Variants in UBR4 observed in about 807,000 individuals in gnomAD.
The protein encoded by UBR4 is E3 ubiquitin-protein ligase UBR4.
Under a neutral mutation model 575.6 loss-of-function variants are expected in UBR4, and 124 were observed. The ratio of observed to expected loss-of-function variants is 0.22; its 90% CI spans 0.19 to 0.25. The LOEUF (loss-of-function observed/expected upper bound fraction) is 0.25, where lower values mean the gene tolerates loss of function less well. Among genes scored for constraint, UBR4 ranks in the 10% least tolerant of loss-of-function variants. UBR4 has a pLI of 1.00. For missense variants in UBR4, 4,818 were observed against 6,478.8 expected (o/e 0.74, Z 8.80); for synonymous variants, 2,455 against 2,473.7 (o/e 0.99, Z 0.22).
chr1:19,126,313 AC>A (rs2081780770), intron 64 of UBR4, 132 bp downstream of exon 64: 1 of 1,011,830 alleles, frequency 9.9e-7, no homozygotes, highest in Non-Finnish European at 1.5e-6. Flanking sequence ...GCCGAGATTA[AC>A]CCCCACCAAG....
chr1:19,092,849 C>G lies in UBR4; in HGVS notation c.14181G>C (p.Arg4727=), dbSNP rs780275301. The G allele has an allele frequency of 6.2e-7, 1 of 1,613,048 alleles. No homozygotes were observed. Among genetic ancestry groups the G allele is most frequent in the Non-Finnish European group, 8.5e-7 (1 of 1,179,716 alleles). ...PALPFILRLL[R]GLAIQHPGTQ... ...TGCCAGGGTGCTGGATGGCCAGGCC[C>G]CGAAGCAGCCTTAGGATAAATGGCA... The change falls in exon 97 of 106, where the codon CGG becomes CGC. Residue 4727 remains arginine (R), a synonymous_variant. Transcript: ENST00000375254.
chr1:19,088,725 G>A lies in UBR4; in HGVS notation c.14430+34C>T, dbSNP rs1218622031. 3.1e-6 allele frequency: 5 copies of A among 1,607,134 alleles called. No individual in the cohort carries two copies. The highest frequency in any genetic ancestry group is 4.3e-6 in the Non-Finnish European group (5 of 1,175,584). On this transcript the variant is annotated intron_variant, in intron 98 of 105. Transcript: ENST00000375254. This position sits in a 1 kb window ranked among gnomAD's most constrained non-coding sequence, Gnocchi z 4.0. ...GGCCACCTCCTCATCAACAGTGTGGGCAGAAATATGGGGACTCTAGGTGGT... is the reference window on the plus strand; with the variant it reads ...GGCCACCTCCTCATCAACAGTGTGGACAGAAATATGGGGACTCTAGGTGGT...
chr1:19,195,593 C>T (rs192068391), intron 8 of UBR4, among the ~76,000 whole-genome samples: 103 of 152,220 alleles, frequency 6.8e-4, no homozygotes, highest in Middle Eastern at 3.4e-3. Context: ...GCAAAATCAA[C>T]GGTAGAGCAT....
chr1:19,193,900 G>A (rs2092287756), intron 8 of UBR4, among the ~76,000 whole-genome samples: 1 of 152,184 alleles, frequency 6.6e-6, no homozygotes, highest in African/African-American at 2.4e-5. Flanking sequence ...AGAAGACATG[G>A]AGGAACTATA....
In UBR4 at chr1:19,123,451, T is replaced by TAAA. The variant is rs35963937; in HGVS notation, c.9589-394_9589-392dup. Among the ~76,000 whole-genome samples the TAAA allele has an allele frequency of 1.2e-3, 157 of 135,786 alleles. 1 individual carries two copies. The highest frequency in any genetic ancestry group is 1.6e-3 in the Non-Finnish European group (99 of 63,612). The allele number at this position is 135,786 out of a possible 152,430, so 89.1% of individuals were successfully genotyped here. On this transcript the variant is annotated intron_variant, in intron 65 of 105. Coordinates refer to ENST00000375254, the MANE Select transcript of UBR4 (RefSeq NM_020765.3). ...GGGTCAACAGAGTGAGACTTGGTCT[T>TAAA]AAAAAAAAAAAAAAAAACAAAGGCT... is the stretch of plus-strand genomic sequence containing the variant.
chr1:19,172,837 C>T, intron 25 of UBR4, 27 bp downstream of exon 25: 2 of 1,595,458 alleles, frequency 1.3e-6, no homozygotes, highest in Non-Finnish European at 1.7e-6. Flanking sequence ...AGTGCATGTG[C>T]ATCTCTGGGC....
chr1:19,124,477 C>G, intron 65 of UBR4, 64 bp downstream of exon 65: 1 of 1,587,340 alleles, frequency 6.3e-7, no homozygotes, highest in Non-Finnish European at 8.6e-7. Flanking sequence ...AGAAAGGGGC[C>G]CACAGAGGTG....
chr1:19,106,652 T>C lies in UBR4; in HGVS notation c.12310A>G (p.Arg4104Gly). 1 of 1,610,032 alleles carries C rather than the reference T, an allele frequency of 6.2e-7. No homozygotes were observed. The highest frequency in any genetic ancestry group is 8.5e-7 in the Non-Finnish European group (1 of 1,178,114). ...CGACGACTCAGGAACTGTTTCCACC[T>C]CCACACATACTTCTCAGTCAAATAG... ...HLYLTEKYVWRWKQFLSRRGK... is the reference protein window; with the variant it reads ...HLYLTEKYVWGWKQFLSRRGK... The change falls in exon 83 of 106, where the codon AGG becomes GGG. Residue 4104 changes from arginine (R) to glycine (G), a missense_variant. Coordinates refer to ENST00000375254, the MANE Select transcript of UBR4 (RefSeq NM_020765.3).
chr1:19,190,275 A>C (rs1254065773), intron 11 of UBR4, among the ~76,000 whole-genome samples: 1 of 138,642 alleles, frequency 7.2e-6, no homozygotes, highest in African/African-American at 2.8e-5. Context: ...CCTGGGCAAC[A>C]GAGCGAGACT....
At chr1:19,165,158 C>A in intron 31 of UBR4, 91 bp downstream of exon 31, 1 of 1,472,618 alleles carries the variant, frequency 6.8e-7, no homozygotes, top group Non-Finnish European at 9.4e-7. Context: ...TTAGCATTTT[C>A]ATGCTGTAGT....
At chr1:19,127,452 C>T (rs374356671) in intron 63 of UBR4, among the ~76,000 whole-genome samples, 171 bp downstream of exon 63, 2 of 152,200 alleles carry the variant, frequency 1.3e-5, no homozygotes, top group African/African-American at 2.4e-5. Flanking sequence ...GGAAGGGATT[C>T]GGGAAAAGGT....
intron 17 of UBR4, among the ~76,000 whole-genome samples, chr1:19,180,444 A>G (rs2090804293): frequency 6.6e-6 from 1 of 151,650 alleles, no homozygotes; most frequent in African/African-American, 2.4e-5. Flanking sequence ...CCACCTCCCA[A>G]GTGCCACGGC....
chr1:19,125,368 T>C (rs2081609332), intron 64 of UBR4, among the ~76,000 whole-genome samples: 1 of 152,132 alleles, frequency 6.6e-6, no homozygotes, highest in Non-Finnish European at 1.5e-5. Context: ...GCTGAGAGTG[T>C]AGAGGGGAAG....
At position 19,127,687 on chromosome 1, in the gene UBR4, A is replaced by T. The variant is rs531206534; in HGVS notation, c.9164T>A (p.Val3055Glu). The change falls in exon 63 of 106, where the codon GTA becomes GAA. Residue 3055 changes from valine to glutamate, a missense_variant. By Grantham distance (121) the Val-to-Glu change is moderately radical. This residue lies in a region of UBR4 where 550 missense variants were observed against 791.5 expected (regional missense o/e 0.69). Coordinates refer to ENST00000375254, the MANE Select transcript of UBR4 (RefSeq NM_020765.3). ...RSALNEVHLV[V>E]MRLLSVFMSR... Reference sequence around the variant, plus strand: ...CATGAAGACACTCAGGAGTCTCATTACTACCAGATGGACTTCATTCAGGGC... The same window carrying T: ...CATGAAGACACTCAGGAGTCTCATTTCTACCAGATGGACTTCATTCAGGGC... 2 of 1,614,168 alleles carry T rather than the reference A, an allele frequency of 1.2e-6. No homozygotes were observed. The highest frequency in any genetic ancestry group is 2.2e-5 in the East Asian group (1 of 44,886).
chr1:19,186,058 G>A (rs2151279898), intron 14 of UBR4, among the ~76,000 whole-genome samples: 1 of 152,214 alleles, frequency 6.6e-6, no homozygotes, highest in East Asian at 1.9e-4. Flanking sequence ...AGAATCTGAG[G>A]TACTTACCTT....
At chr1:19,138,666 A>T (rs1232629243) in intron 59 of UBR4, among the ~76,000 whole-genome samples, 2 of 150,872 alleles carry the variant, frequency 1.3e-5, no homozygotes, top group Admixed American at 1.3e-4. Flanking sequence ...TAACAATAAG[A>T]TCGCTTAAAA....
chr1:19,206,186 C>T (rs1012521064), intron 1 of UBR4, among the ~76,000 whole-genome samples: 2 of 152,152 alleles, frequency 1.3e-5, no homozygotes, highest in Non-Finnish European at 1.5e-5. Flanking sequence ...TAAGCTGGGC[C>T]CGGTGGTGGG....
In UBR4 at chr1:19,115,720, C is replaced by A; in HGVS notation, c.10824-83G>T. The A allele has an allele frequency of 4.5e-6, 7 of 1,539,360 alleles. No homozygotes were observed. In the South Asian group the frequency reaches 8.7e-5, roughly 19 times the overall value. ...GATGAGACAAAGAGGAAGACTGTCC[C>A]ATGTATTTTTCTAAGGCAATTAAGT... On this transcript the variant is annotated intron_variant, in intron 73 of 105. Transcript: ENST00000375254.
At chr1:19,155,353 A>T in intron 43 of UBR4, 88 bp downstream of exon 43, 1 of 1,363,200 alleles carries the variant, frequency 7.3e-7, no homozygotes, top group African/African-American at 1.5e-5. Context: ...CCACAGAAAA[A>T]TGTTATAAAA....
Sources: allele counts gnomAD v4.1 joint callset (sites outside exome capture counted in the v4.1 genomes callset), GRCh38; gene constraint gnomAD v4.1.1; regional missense constraint gnomAD v4.1.1; non-coding constraint Gnocchi (gnomAD v3.1); transcripts MANE v1.5; gene names NCBI Gene and HGNC (gene_info 2026-07-23, HGNC 2026-07-21).